FRMPD1: variants seen among roughly 807,000 people sequenced by gnomAD.
The protein encoded by FRMPD1 is FERM and PDZ domain-containing protein 1.
A neutral mutation model predicts 117.8 loss-of-function variants in FRMPD1; 76 were observed. The ratio of observed to expected loss-of-function variants is 0.65; its 90% confidence interval spans 0.54 to 0.78. FRMPD1 has a LOEUF of 0.78. Among genes scored for constraint, FRMPD1 ranks in the 30% least tolerant of loss-of-function variants. The probability of loss-of-function intolerance (pLI) is 0.00; values close to 1 mark genes in which losing one functional copy is unlikely to be tolerated. For missense variants in FRMPD1, 1,786 were observed against 1,964.5 expected (o/e 0.91, Z 1.72); for synonymous variants, 783 against 770.4 (o/e 1.02, Z -0.27).
At chr9:37,717,381 A>ATTT (rs61705193) in intron 5 of FRMPD1, among the ~76,000 whole-genome samples, 50 of 114,342 alleles carry the variant, frequency 4.4e-4, no homozygotes, top group Non-Finnish European at 5.0e-4. Context: ...ATATATATAT[A>ATTT]TTTTTTTTTT....
chr9:37,713,878 G>A (rs1823004848), intron 5 of FRMPD1, among the ~76,000 whole-genome samples: 1 of 152,180 alleles, frequency 6.6e-6, no homozygotes, highest in African/African-American at 2.4e-5. Context: ...CGCATTTAGG[G>A]CGTGGAAGGA....
intron 4 of FRMPD1, among the ~76,000 whole-genome samples, chr9:37,709,565 A>T (rs1822836255): frequency 6.6e-6 from 1 of 152,138 alleles, no homozygotes; most frequent in South Asian, 2.1e-4. Flanking sequence ...AAAAAAAGAG[A>T]GAAAGAAAAA....
At chr9:37,685,068 G>T (rs768216706) in intron 1 of FRMPD1, among the ~76,000 whole-genome samples, 1 of 152,082 alleles carries the variant, frequency 6.6e-6, no homozygotes, top group Non-Finnish European at 1.5e-5. Context: ...TGTCTTTCAA[G>T]AACAGTGTCT....
At chr9:37,647,748 A>C (rs1824168749), upstream of FRMPD1, among the ~76,000 whole-genome samples, 1 of 152,192 alleles carries the variant, frequency 6.6e-6, no homozygotes, top group Non-Finnish European at 1.5e-5. Flanking sequence ...TGCTGTACAT[A>C]AGTACAGCAG....
At chr9:37,693,639 T>TAGG (rs750391728) in intron 2 of FRMPD1, among the ~76,000 whole-genome samples, 2 of 152,212 alleles carry the variant, frequency 1.3e-5, no homozygotes, top group Non-Finnish European at 2.9e-5. Context: ...GGTCCCCATT[T>TAGG]ATTATAGGAG....
chr9:37,637,337 T>C, the FRMPD1 span: 1 of 927,428 alleles, frequency 1.1e-6, no homozygotes, highest in Non-Finnish European at 1.8e-6. Flanking sequence ...TCGGCTCTGC[T>C]CCGCCTCCCG....
At position 37,745,981 on chromosome 9, in the gene FRMPD1, G is replaced by A. The variant is rs1824691056; in HGVS notation, c.3949G>A (p.Gly1317Ser). 1 of 1,614,216 alleles carries A rather than the reference G, an allele frequency of 6.2e-7. No individual in the cohort carries two copies. The change falls in exon 16 of 16, where the codon GGT (glycine) becomes AGT (serine). Residue 1317 changes from glycine to serine, a missense_variant. Gly to Ser is a moderately conservative substitution (Grantham distance 56). Transcript: ENST00000377765. ...SASLRVATSLGFAGMNEMVAP... is the reference protein window; with the variant it reads ...SASLRVATSLSFAGMNEMVAP... ...CAGTCTCAGGGTGGCCACATCTTTG[G>A]GTTTTGCAGGCATGAATGAGATGGT...
rs1264022174 is a variant in FRMPD1 at position 37,746,098 on chromosome 9, AG to A, written c.4069del (p.Asp1357ThrfsTer52). On this transcript the variant is annotated frameshift_variant, in exon 16 of 16. Transcript: ENST00000377765. LOFTEE classifies it high-confidence loss of function. ...GCAGCCTGAGACAGAGGAAGAAGAC[AG>A]GGACTTGGAAGCACACCCCATGGCC... ...GPQPETEEED[R>X]DLEAHPMAPL... 7.4e-6 allele frequency: 12 copies of A among 1,614,086 alleles called. No homozygotes were observed. Among genetic ancestry groups the A allele is most frequent in the Non-Finnish European group, 1.0e-5 (12 of 1,180,040 alleles).
intron 6 of FRMPD1, among the ~76,000 whole-genome samples, chr9:37,722,561 C>T (rs1025203152): frequency 6.6e-6 from 1 of 152,114 alleles, no homozygotes; most frequent in African/African-American, 2.4e-5. Flanking sequence ...GTGTGTGCCA[C>T]CACGCCCGGC....
chr9:37,608,060 C>T, the FRMPD1 span, among the ~76,000 whole-genome samples: 2 of 152,196 alleles, frequency 1.3e-5, no homozygotes, highest in African/African-American at 4.8e-5. Flanking sequence ...GAAGGCGAGA[C>T]GGGGTAGTCA....
At chr9:37,686,169 A>T (rs1457481568) in intron 1 of FRMPD1, among the ~76,000 whole-genome samples, 1 of 152,186 alleles carries the variant, frequency 6.6e-6, no homozygotes, top group Admixed American at 6.5e-5. Flanking sequence ...CTGTTGAAGG[A>T]GCTGAGGATG....
the FRMPD1 span, among the ~76,000 whole-genome samples, chr9:37,613,454 A>G: frequency 1.3e-5 from 2 of 152,246 alleles, no homozygotes; most frequent in Non-Finnish European, 2.9e-5. Context: ...CAACTGGCTA[A>G]TGGGAATATA....
chr9:37,697,883 A>G (rs1165111766), intron 2 of FRMPD1, among the ~76,000 whole-genome samples: 5 of 152,206 alleles, frequency 3.3e-5, no homozygotes, highest in African/African-American at 1.2e-4. Flanking sequence ...TTGGGAAGCC[A>G]AGATGGGCAG....
chr9:37,723,888 C>T (rs1823503103), intron 6 of FRMPD1, among the ~76,000 whole-genome samples: 1 of 151,936 alleles, frequency 6.6e-6, no homozygotes, highest in African/African-American at 2.4e-5. Flanking sequence ...GTCTCAGCTA[C>T]TCGGGAGGCT....
intron 2 of FRMPD1, among the ~76,000 whole-genome samples, chr9:37,702,704 T>C (rs1034561951): frequency 2.0e-5 from 3 of 152,162 alleles, no homozygotes; most frequent in African/African-American, 7.2e-5. Context: ...GTTGAGGAGT[T>C]TGGCTTTTGT....
chr9:37,651,658 G>T (rs919881379), intron 1 of FRMPD1, among the ~76,000 whole-genome samples: 4 of 152,256 alleles, frequency 2.6e-5, no homozygotes, highest in African/African-American at 9.6e-5. Flanking sequence ...GAGCTTTAGT[G>T]GGGGCGTTGA....
intron 7 of FRMPD1, among the ~76,000 whole-genome samples, chr9:37,726,099 G>T (rs976939119): frequency 6.6e-6 from 1 of 152,206 alleles, no homozygotes; most frequent in Admixed American, 6.5e-5. Context: ...CAAGGACTTA[G>T]CCAGTATAAT....
chr9:37,628,108 T>C, the FRMPD1 span, among the ~76,000 whole-genome samples: 1 of 152,200 alleles, frequency 6.6e-6, no homozygotes, highest in Non-Finnish European at 1.5e-5. Context: ...ATAATAGACA[T>C]TTAAGAAAAT....
At chr9:37,722,320 G>A (rs111361192) in intron 6 of FRMPD1, among the ~76,000 whole-genome samples, 1,546 of 149,964 alleles carry the variant, frequency 0.01, 27 homozygotes, top group African/African-American at 0.035. Flanking sequence ...AAAAAAAAAA[G>A]AGAGAGATGA....
Sources: allele counts gnomAD v4.1 joint callset (sites outside exome capture counted in the v4.1 genomes callset), GRCh38; gene constraint gnomAD v4.1.1; transcripts MANE v1.5; gene names NCBI Gene and HGNC (gene_info 2026-07-23, HGNC 2026-07-21).